The following TAFA2 variants were observed in gnomAD, a reference collection of about 807,000 sequenced individuals.
TAFA2 encodes the protein chemokine-like protein TAFA-2.
Under a neutral mutation model 18.8 loss-of-function variants are expected in TAFA2, and 7 were observed. The observed-to-expected ratio is 0.37, with a 90% CI of 0.21 to 0.70. TAFA2 has a LOEUF of 0.70. TAFA2 is among the 30% of genes least tolerant of loss of function. The probability of loss-of-function intolerance (pLI) is 0.53; values close to 1 mark genes in which losing one functional copy is unlikely to be tolerated. For missense variants in TAFA2, 122 were observed against 158.1 expected, an observed-to-expected ratio of 0.77 and a Z score of 1.23; for synonymous variants, 60 against 54.2, an observed-to-expected ratio of 1.11 and a Z score of -0.47.
chr12:61,766,818 A>G (rs1869812113), intron 2 of TAFA2, among the ~76,000 whole-genome samples: 1 of 152,148 alleles, frequency 6.6e-6, no homozygotes, highest in Non-Finnish European at 1.5e-5. Flanking sequence ...AACTTATTGG[A>G]AATTGTAAAA....
intron 1 of TAFA2, among the ~76,000 whole-genome samples, chr12:61,955,338 T>C (rs1388505167): frequency 6.6e-6 from 1 of 151,720 alleles, no homozygotes; most frequent in Non-Finnish European, 1.5e-5. Context: ...GCATGGTGGC[T>C]CACGCCTGTA....
chr12:62,106,356 A>C (rs1481073900), intron 1 of TAFA2, among the ~76,000 whole-genome samples: 2 of 151,760 alleles, frequency 1.3e-5, no homozygotes. Flanking sequence ...AAAACAAAAA[A>C]CAAAAACAAA....
chr12:61,861,971 T>G (rs1197352102), intron 2 of TAFA2, among the ~76,000 whole-genome samples: 1 of 152,190 alleles, frequency 6.6e-6, no homozygotes, highest in East Asian at 1.9e-4. Flanking sequence ...TTTTTTAGGC[T>G]CCTTTTTTTC....
intron 1 of TAFA2, among the ~76,000 whole-genome samples, chr12:61,988,260 T>A (rs1386095483): frequency 6.6e-6 from 1 of 152,052 alleles, no homozygotes; most frequent in Non-Finnish European, 1.5e-5. Flanking sequence ...CACTTCCCAA[T>A]AGAATTTAAA....
At chr12:62,194,408 G>T (rs944528434), upstream of TAFA2, among the ~76,000 whole-genome samples, 30 of 151,354 alleles carry the variant, frequency 2.0e-4, no homozygotes, top group African/African-American at 7.1e-4. Context: ...CTATAGTTTT[G>T]TCATCTTGTT....
chr12:61,813,900 C>T (rs988882795), intron 2 of TAFA2, among the ~76,000 whole-genome samples: 2 of 151,440 alleles, frequency 1.3e-5, no homozygotes, highest in Admixed American at 6.6e-5. Flanking sequence ...ATAATACACT[C>T]TCAATAGGAG....
At chr12:61,984,678 C>T (rs2136680885) in intron 1 of TAFA2, among the ~76,000 whole-genome samples, 1 of 152,248 alleles carries the variant, frequency 6.6e-6, no homozygotes, top group Non-Finnish European at 1.5e-5. Context: ...ATTAAATAAT[C>T]ACAGTAGTAA....
intron 1 of TAFA2, among the ~76,000 whole-genome samples, chr12:62,116,337 T>G (rs184257309): frequency 5.9e-5 from 9 of 152,262 alleles, no homozygotes; most frequent in Admixed American, 2.6e-4. Flanking sequence ...AGTAAGACCT[T>G]GTGGACAGAG....
chr12:61,805,626 T>C (rs996931527), intron 2 of TAFA2, among the ~76,000 whole-genome samples: 7 of 152,080 alleles, frequency 4.6e-5, no homozygotes, highest in African/African-American at 1.7e-4. Context: ...GCAGGGTATG[T>C]TCCTCAAGAT....
intron 1 of TAFA2, 66 bp downstream of exon 1, chr12:62,191,193 C>G (rs1043640192): frequency 6.6e-6 from 1 of 152,098 alleles, no homozygotes; most frequent in Non-Finnish European, 1.5e-5. Context: ...TCCGGGACCG[C>G]GGTCCTGCAG....
At chr12:61,744,372 T>C (rs11613304) in intron 4 of TAFA2, among the ~76,000 whole-genome samples, 42,290 of 152,010 alleles carry the variant, frequency 0.28, 6,631 homozygotes, top group South Asian at 0.38. Context: ...AGCACACATA[T>C]ATCGCCCATT....
intron 1 of TAFA2, among the ~76,000 whole-genome samples, chr12:62,220,195 G>C (rs760527280): frequency 6.7e-6 from 1 of 150,064 alleles, no homozygotes; most frequent in Non-Finnish European, 1.5e-5. Flanking sequence ...TAAACTCAAA[G>C]GAAAAATCAT....
rs997895992 is a variant in TAFA2, at chr12:62,043,236, A to G, written c.-2+148023T>C. Among the ~76,000 whole-genome samples, 6 of 152,162 alleles carry G rather than the reference A, an allele frequency of 3.9e-5. No homozygotes were observed. The South Asian group carries it at 6.2e-4, about 16-fold the overall frequency. On this transcript the variant is annotated intron_variant, in intron 1 of 4. Transcript: ENST00000416284. ...CCCAAATGTCCAACAACGATAGACTAGATTAAGAAAATGTGGCACATATAC... is the reference window on the plus strand; with the variant it reads ...CCCAAATGTCCAACAACGATAGACTGGATTAAGAAAATGTGGCACATATAC...
chr12:61,716,255 A>C (rs1436498751), intron 4 of TAFA2, among the ~76,000 whole-genome samples: 2 of 152,140 alleles, frequency 1.3e-5, no homozygotes, highest in Non-Finnish European at 2.9e-5. Context: ...TCTGATACAG[A>C]ATTCCATTTT....
intron 1 of TAFA2, among the ~76,000 whole-genome samples, chr12:61,972,540 T>A (rs1879284889): frequency 3.3e-5 from 5 of 151,626 alleles, no homozygotes; most frequent in Admixed American, 6.6e-5. Flanking sequence ...CCCTGACTGA[T>A]GATATGCATG....
At chr12:61,831,698 ATTTT>A (rs532324812) in intron 2 of TAFA2, among the ~76,000 whole-genome samples, 1 of 151,892 alleles carries the variant, frequency 6.6e-6, no homozygotes. Context: ...TTAATTTTTA[ATTTT>A]TTTTATTTTT....
At chr12:62,212,211 A>G (rs959307998) in intron 1 of TAFA2, among the ~76,000 whole-genome samples, 1 of 152,224 alleles carries the variant, frequency 6.6e-6, no homozygotes. Context: ...AGTTTCAAAT[A>G]GTACTCAGCT....
At chr12:61,945,645 A>T (rs1025364821) in intron 1 of TAFA2, among the ~76,000 whole-genome samples, 39 of 129,556 alleles carry the variant, frequency 3.0e-4, no homozygotes, top group African/African-American at 1.1e-3. Context: ...AATCACAAGC[A>T]TTCCTATACA....
intron 1 of TAFA2, among the ~76,000 whole-genome samples, chr12:62,019,161 A>G (rs1434501933): frequency 6.6e-6 from 1 of 152,172 alleles, no homozygotes; most frequent in Non-Finnish European, 1.5e-5. Context: ...CAATCATTAA[A>G]AAGTCAGGAA....
Sources: allele counts gnomAD v4.1 joint callset (sites outside exome capture counted in the v4.1 genomes callset), GRCh38; gene constraint gnomAD v4.1.1; transcripts MANE v1.5; gene names NCBI Gene and HGNC (gene_info 2026-07-23, HGNC 2026-07-21).